Variants in AGBL1 observed in about 807,000 individuals in gnomAD.
AGBL1 encodes cytosolic carboxypeptidase 4.
A neutral mutation model predicts 118.9 loss-of-function variants in AGBL1; 130 were observed. The ratio of observed to expected loss-of-function variants is 1.09; its 90% CI spans 0.95 to 1.26. AGBL1 has a LOEUF of 1.26. Among genes scored for constraint, AGBL1 ranks in the 50% most tolerant of loss-of-function variants. AGBL1 has a pLI of 0.00. For synonymous variants in AGBL1, 555 were observed against 478.9 expected (o/e 1.16, Z -2.08); for missense variants, 1,584 against 1,298.1 (o/e 1.22, Z -3.38).
At chr15:86,435,503 T>A (rs145006226) in intron 18 of AGBL1, among the ~76,000 whole-genome samples, 1 of 152,226 alleles carries the variant, frequency 6.6e-6, no homozygotes, top group Non-Finnish European at 1.5e-5. Flanking sequence ...GTGCTCCATT[T>A]AGGCTAATTT....
intron 22 of AGBL1, among the ~76,000 whole-genome samples, chr15:86,787,084 C>T (rs2078423428): frequency 6.6e-6 from 1 of 151,984 alleles, no homozygotes; most frequent in Non-Finnish European, 1.5e-5. Flanking sequence ...TTGTACTAAT[C>T]AAATATTTAA....
intron 7 of AGBL1, among the ~76,000 whole-genome samples, chr15:86,255,398 G>A (rs184669683): frequency 1.1e-4 from 16 of 152,304 alleles, no homozygotes; most frequent in African/African-American, 3.6e-4. Context: ...TCCTGAGGCT[G>A]TTGATTCAGA....
chr15:86,987,337 TG>T (rs1276834554), intron 23 of AGBL1, among the ~76,000 whole-genome samples: 1 of 152,236 alleles, frequency 6.6e-6, no homozygotes, highest in Non-Finnish European at 1.5e-5. Context: ...AGTTGATTTT[TG>T]TACATTGTTT....
At chr15:86,128,865 T>A (rs191101048) in intron 1 of AGBL1, among the ~76,000 whole-genome samples, 4 of 152,330 alleles carry the variant, frequency 2.6e-5, no homozygotes, top group Admixed American at 2.6e-4. Flanking sequence ...GGGTGAGATA[T>A]CTGTGAGAAC....
chr15:86,762,214 G>C (rs972857752), intron 22 of AGBL1, among the ~76,000 whole-genome samples: 1 of 151,992 alleles, frequency 6.6e-6, no homozygotes, highest in African/African-American at 2.4e-5. Flanking sequence ...AGTGGGGCCT[G>C]TTGGGGGAGG....
intron 17 of AGBL1, among the ~76,000 whole-genome samples, chr15:86,317,543 C>T (rs1462846280): frequency 1.3e-5 from 2 of 152,112 alleles, no homozygotes; most frequent in Non-Finnish European, 2.9e-5. Flanking sequence ...TGATGAACAC[C>T]ATGCACAATG....
intron 23 of AGBL1, among the ~76,000 whole-genome samples, chr15:86,924,169 G>A (rs2080507989): frequency 6.6e-6 from 1 of 152,112 alleles, no homozygotes; most frequent in South Asian, 2.1e-4. Context: ...ACACACACAG[G>A]GATGCATACA....
chr15:86,363,539 C>CA (rs958887082), intron 17 of AGBL1, among the ~76,000 whole-genome samples: 3 of 152,154 alleles, frequency 2.0e-5, no homozygotes, highest in African/African-American at 7.2e-5. Context: ...CCTTGACCTC[C>CA]ATGGCAGGAT....
intron 18 of AGBL1, among the ~76,000 whole-genome samples, chr15:86,452,774 C>T (rs1053342795): frequency 6.6e-6 from 1 of 152,118 alleles, no homozygotes. Context: ...CCTGACCCAC[C>T]CTTGCTATTT....
At position 86,264,719 on chromosome 15, in the gene AGBL1, C is replaced by T; in HGVS notation, c.1548C>T (p.Ala516=). The T allele has an allele frequency of 6.2e-7, 1 of 1,613,984 alleles. No individual in the cohort carries two copies. The highest frequency in any genetic ancestry group is 8.5e-7 in the Non-Finnish European group (1 of 1,179,886). The stretch of plus-strand genomic sequence containing the variant: ...TCCACGATCCCTATCTTTATATGGC[C>T]AAAGCCAGAAGAACCAGCTCTGTGG... The part of the protein sequence containing the change: ...VPFHDPYLYM[A]KARRTSSVVD... The change falls in exon 11 of 23, where the codon GCC becomes GCT. Residue 516 remains alanine, a synonymous_variant. Coordinates refer to ENST00000614907, the MANE Select transcript of AGBL1 (RefSeq NM_001386094.1).
Position 86,271,146 on chromosome 15 carries a change from G to T in AGBL1, c.1988-473G>T, listed in dbSNP as rs571658998. On this transcript the variant is annotated intron_variant, in intron 14 of 22. Transcript: ENST00000614907. ...GCTCACTGCAACCTCCGCCTCCCGG[G>T]TTCAAGCGATTCTCCTGCCTCAGCC... 2.8e-5 allele frequency among the ~76,000 whole-genome samples: 4 copies of T among 142,216 alleles called. No individual in the cohort carries two copies. In the South Asian group the frequency reaches 6.8e-4, roughly 24 times the overall value. 93.3% of individuals were successfully genotyped at this position (142,216 alleles called of 152,430 possible). A position where few individuals can be genotyped will look rare whatever the true frequency, so the allele number is the denominator to read the frequency against.
intron 18 of AGBL1, among the ~76,000 whole-genome samples, chr15:86,483,054 GT>G (rs1189426670): frequency 6.6e-6 from 1 of 151,908 alleles, no homozygotes; most frequent in Non-Finnish European, 1.5e-5. Flanking sequence ...CTGAATATAC[GT>G]ATTTATAAGC....
intron 22 of AGBL1, among the ~76,000 whole-genome samples, chr15:86,688,894 A>G (rs1292488985): frequency 4.6e-5 from 7 of 152,208 alleles, no homozygotes; most frequent in Non-Finnish European, 1.0e-4. Flanking sequence ...CCCAGACAAC[A>G]ACTGACTTGC....
rs1304280056 is a variant in AGBL1, at chr15:86,827,386, CATAT to C, written c.3159-79693_3159-79690del. ...ATGTGTGTGTATATATATATATACA[CATAT>C]ATATATACATATATATATGTGTATA... On this transcript the variant is annotated intron_variant, in intron 22 of 22. Coordinates refer to ENST00000614907, the MANE Select transcript of AGBL1 (RefSeq NM_001386094.1). 1.7e-3 allele frequency among the ~76,000 whole-genome samples: 10 copies of C among 5,752 alleles called. No homozygotes were observed. In the East Asian group the frequency reaches 0.044, roughly 25 times the overall value. 3.8% of individuals were successfully genotyped at this position (5,752 alleles called of 152,430 possible).
intron 1 of AGBL1, among the ~76,000 whole-genome samples, chr15:86,122,075 G>T (rs150748352): frequency 6.6e-6 from 1 of 152,256 alleles, no homozygotes; most frequent in East Asian, 1.9e-4. Context: ...TTGAATGTGC[G>T]CTCTCCCTCC....
chr15:86,270,091 G>A, intron 14 of AGBL1, 24 bp downstream of exon 14: 1 of 1,597,868 alleles, frequency 6.3e-7, no homozygotes, highest in Non-Finnish European at 8.5e-7. Flanking sequence ...GGGAGCAGGG[G>A]CTTTCTGGAA....
intron 23 of AGBL1, among the ~76,000 whole-genome samples, chr15:86,985,867 C>T (rs193185539): frequency 9.9e-5 from 15 of 151,880 alleles, no homozygotes; most frequent in Non-Finnish European, 1.5e-4. Context: ...ATTTCGAGTT[C>T]GCTTTTGTAT....
intron 23 of AGBL1, among the ~76,000 whole-genome samples, chr15:86,959,348 T>C (rs1416736699): frequency 6.6e-6 from 1 of 152,156 alleles, no homozygotes; most frequent in African/African-American, 2.4e-5. Context: ...TCCAGTTCTG[T>C]ACCTAAGAAC....
chr15:86,562,524 G>A (rs1482970910), intron 21 of AGBL1, among the ~76,000 whole-genome samples: 1 of 152,216 alleles, frequency 6.6e-6, no homozygotes, highest in Non-Finnish European at 1.5e-5. Flanking sequence ...GCTTTTTGAT[G>A]TGCTGCTGGA....
Sources: allele counts gnomAD v4.1 joint callset (sites outside exome capture counted in the v4.1 genomes callset), GRCh38; gene constraint gnomAD v4.1.1; transcripts MANE v1.5; gene names NCBI Gene and HGNC (gene_info 2026-07-23, HGNC 2026-07-21).